The following AGBL1 variants were observed in gnomAD, a reference collection of about 807,000 sequenced individuals.
AGBL1 encodes the protein AGBL carboxypeptidase 1.
In AGBL1, 130 loss-of-function variants were observed where a neutral mutation model predicts 118.9. The ratio of observed to expected loss-of-function variants is 1.09; its 90% CI spans 0.95 to 1.26. The LOEUF (loss-of-function observed/expected upper bound fraction) is 1.26. AGBL1 is among the 50% of genes most tolerant of loss of function. The probability of loss-of-function intolerance (pLI) is 0.00; values close to 1 mark genes in which losing one functional copy is unlikely to be tolerated. For synonymous variants in AGBL1, 555 were observed against 478.9 expected, an observed-to-expected ratio of 1.16 and a Z score of -2.08; for missense variants, 1,584 against 1,298.1, an observed-to-expected ratio of 1.22 and a Z score of -3.38.
At chr15:86,803,067 A>T (rs2078671721) in intron 22 of AGBL1, among the ~76,000 whole-genome samples, 1 of 152,136 alleles carries the variant, frequency 6.6e-6, no homozygotes, top group African/African-American at 2.4e-5. Flanking sequence ...ACAGCATCCA[A>T]ATGAGGGGCC....
At chr15:86,775,063 C>G (rs1233011906) in intron 22 of AGBL1, among the ~76,000 whole-genome samples, 2 of 152,176 alleles carry the variant, frequency 1.3e-5, no homozygotes, top group African/African-American at 4.8e-5. Flanking sequence ...GCTTTGGGAA[C>G]ACAGTGGTGT....
At chr15:86,150,100 C>T (rs1399895250) in intron 3 of AGBL1, among the ~76,000 whole-genome samples, 3 of 152,180 alleles carry the variant, frequency 2.0e-5, no homozygotes, top group Non-Finnish European at 2.9e-5. Flanking sequence ...ACACAATGTA[C>T]CAGAATCTCT....
At chr15:86,807,456 G>T (rs1009891156) in intron 22 of AGBL1, among the ~76,000 whole-genome samples, 1 of 152,056 alleles carries the variant, frequency 6.6e-6, no homozygotes, top group Non-Finnish European at 1.5e-5. Context: ...CAGTGGTAGC[G>T]CAAGGAAGAC....
At chr15:86,743,859 A>AC (rs1460869576) in intron 22 of AGBL1, among the ~76,000 whole-genome samples, 11 of 151,812 alleles carry the variant, frequency 7.2e-5, no homozygotes, top group East Asian at 1.9e-4. Flanking sequence ...ATCTGATCAC[A>AC]CACCCCCATC....
At chr15:86,838,781 A>G (rs944423141) in intron 22 of AGBL1, among the ~76,000 whole-genome samples, 1 of 151,488 alleles carries the variant, frequency 6.6e-6, no homozygotes, top group African/African-American at 2.4e-5. Flanking sequence ...CCCTACAAAA[A>G]AAAATTTAAA....
intron 18 of AGBL1, among the ~76,000 whole-genome samples, chr15:86,429,500 G>A (rs998977304): frequency 6.6e-6 from 1 of 152,162 alleles, no homozygotes; most frequent in Non-Finnish European, 1.5e-5. Flanking sequence ...AATTATAGCT[G>A]GACCCAGCAG....
At chr15:86,725,206 C>T (rs564795868) in intron 22 of AGBL1, among the ~76,000 whole-genome samples, 2 of 152,266 alleles carry the variant, frequency 1.3e-5, no homozygotes, top group Admixed American at 6.5e-5. Flanking sequence ...TACAGGAGAA[C>T]AAAATACATT....
rs758755951 is a variant in AGBL1, at chr15:86,264,776, C to T, written c.1605C>T (p.Val535=). ...TCAAGATGATGGCATTTCCTGATGT[C>T]TGGGGACACTGTCCCCCTCCCACCA... ...VDFKMMAFPD[V]WGHCPPPTTQ... is the part of the protein sequence containing the mutation. Residue 535 remains valine (V), a synonymous_variant, in exon 11 of 23, where the codon GTC becomes GTT. Transcript: ENST00000614907. The T allele has an allele frequency of 6.2e-7, 1 of 1,614,006 alleles. No homozygotes were observed. Among genetic ancestry groups the T allele is most frequent in the South Asian group, 1.1e-5 (1 of 91,068 alleles).
intron 18 of AGBL1, among the ~76,000 whole-genome samples, chr15:86,456,737 T>A (rs1040850214): frequency 1.1e-4 from 16 of 152,232 alleles, no homozygotes; most frequent in African/African-American, 3.6e-4. Flanking sequence ...TTTAATGTAT[T>A]TCATGACAGT....
Position 86,277,698 on chromosome 15 carries a change from C to A in AGBL1, c.2076-1941C>A, listed in dbSNP as rs1368149028. 2.6e-5 allele frequency among the ~76,000 whole-genome samples: 4 copies of A among 152,166 alleles called. No individual in the cohort carries two copies. In the East Asian group the frequency reaches 7.7e-4, roughly 29 times the overall value. Reference sequence around the variant, plus strand: ...AAGCAAGGCCCATGCCAAATAAGACCAACCCTACTGGCCCTTCGGGACACC... The same window carrying A: ...AAGCAAGGCCCATGCCAAATAAGACAAACCCTACTGGCCCTTCGGGACACC... On this transcript the variant is annotated intron_variant, in intron 15 of 22. Transcript: ENST00000614907.
At chr15:86,425,260 A>G (rs1184330081) in intron 18 of AGBL1, among the ~76,000 whole-genome samples, 2 of 152,110 alleles carry the variant, frequency 1.3e-5, no homozygotes, top group African/African-American at 4.8e-5. Context: ...GAAGCTGGAA[A>G]CCATCTTTCT....
At chr15:86,229,052 T>A (rs2078412759) in intron 6 of AGBL1, among the ~76,000 whole-genome samples, 1 of 152,246 alleles carries the variant, frequency 6.6e-6, no homozygotes. Flanking sequence ...TTTGCCTTTT[T>A]ATGCTTTATC....
At chr15:86,304,040 A>G (rs2079797431) in intron 17 of AGBL1, among the ~76,000 whole-genome samples, 1 of 152,164 alleles carries the variant, frequency 6.6e-6, no homozygotes, top group Non-Finnish European at 1.5e-5. Context: ...TGCAATAATG[A>G]GGGAAAATCC....
At chr15:86,580,651 T>C (rs1045711634) in intron 21 of AGBL1, among the ~76,000 whole-genome samples, 8 of 152,136 alleles carry the variant, frequency 5.3e-5, no homozygotes, top group Non-Finnish European at 1.2e-4. Context: ...TGTATAATGA[T>C]CAAGTTAGGG....
intron 5 of AGBL1, 65 bp downstream of exon 5, chr15:86,159,091 C>A: frequency 7.2e-7 from 1 of 1,385,992 alleles, no homozygotes; most frequent in Non-Finnish European, 1.0e-6. Flanking sequence ...GATTGCCCTA[C>A]ATGTATTTTC....
intron 18 of AGBL1, among the ~76,000 whole-genome samples, chr15:86,501,607 T>G (rs1407892582): frequency 6.6e-6 from 1 of 151,628 alleles, no homozygotes; most frequent in East Asian, 1.9e-4. Flanking sequence ...ATAATTGTTT[T>G]GGGGTTAATT....
intron 22 of AGBL1, among the ~76,000 whole-genome samples, chr15:86,710,063 C>A (rs546046576): frequency 6.6e-6 from 1 of 152,048 alleles, no homozygotes; most frequent in Non-Finnish European, 1.5e-5. Flanking sequence ...GGGCGAGGAG[C>A]AGATAATTTG....
At chr15:86,537,857 A>G (rs1300572683) in intron 19 of AGBL1, among the ~76,000 whole-genome samples, 4 of 152,212 alleles carry the variant, frequency 2.6e-5, no homozygotes, top group African/African-American at 9.7e-5. Flanking sequence ...GTAAAATCTC[A>G]GCATGGTGAC....
At chr15:86,699,124 C>T (rs562904514) in intron 22 of AGBL1, among the ~76,000 whole-genome samples, 2 of 151,650 alleles carry the variant, frequency 1.3e-5, no homozygotes, top group African/African-American at 4.8e-5. Context: ...TTAATGTTAA[C>T]CTTTTATCTT....
Sources: gnomAD v4.1 joint callset for allele counts (sites outside exome capture counted in the v4.1 genomes callset) on GRCh38, gnomAD v4.1.1 for gene constraint, MANE v1.5 for transcripts, NCBI Gene and HGNC (gene_info 2026-07-23, HGNC 2026-07-21) for gene names.